The following DIP2A variants were observed in gnomAD, a reference collection of about 807,000 sequenced individuals.
DIP2A encodes disco-interacting protein 2 homolog A.
In DIP2A, 85 loss-of-function variants were observed where a neutral mutation model predicts 177.4. The observed-to-expected ratio is 0.48, with a 90% CI of 0.40 to 0.57. DIP2A has a LOEUF of 0.57. Ranked by LOEUF, DIP2A falls within the 20% of genes least tolerant of loss-of-function variation. DIP2A has a pLI of 0.00. For missense variants in DIP2A, 1,791 were observed against 2,100.2 expected (o/e 0.85, Z 2.88); for synonymous variants, 886 against 881.8 (o/e 1.00, Z -0.08).
the DIP2A span, among the ~76,000 whole-genome samples, chr21:46,575,938 A>G: frequency 6.6e-6 from 1 of 152,240 alleles, no homozygotes; most frequent in African/African-American, 2.4e-5. Context: ...CTGAATAAAC[A>G]AAGCAATTTT....
At chr21:46,512,621 G>A (rs779396499) in intron 8 of DIP2A, among the ~76,000 whole-genome samples, 2 of 131,886 alleles carry the variant, frequency 1.5e-5, no homozygotes, top group Non-Finnish European at 3.1e-5. Flanking sequence ...GTTTGCTAAT[G>A]CTTTCATCTT....
intron 1 of DIP2A, among the ~76,000 whole-genome samples, chr21:46,481,718 C>T (rs9647245): frequency 0.37 from 55,660 of 151,916 alleles, 10,618 homozygotes; most frequent in Middle Eastern, 0.46. Flanking sequence ...ATGATAACAG[C>T]GGAAATCAGT....
chr21:46,554,791 G>GCCCC, intron 27 of DIP2A, 31 bp from the exon 28 acceptor site: 1 of 1,170,464 alleles, frequency 8.5e-7, no homozygotes, highest in South Asian at 2.6e-5. Flanking sequence ...GAGAGGCCCC[G>GCCCC]CCCACCCACC....
At chr21:46,463,709 TGTGTGTGTGTA>T (rs1568890438) in intron 1 of DIP2A, among the ~76,000 whole-genome samples, 89 of 151,348 alleles carry the variant, frequency 5.9e-4, no homozygotes, top group African/African-American at 1.7e-3. Context: ...TGTGTGTGTG[TGTGTGTGTGTA>T]TATTTTGAGA....
At position 46,563,906 on chromosome 21, in the gene DIP2A, C is replaced by T. The variant is rs199921671; in HGVS notation, c.4138C>T (p.Pro1380Ser). ...VIIAHTETKG[P>S]LGDSHLGEIW... ...CATCGCACACACCGAGACCAAAGGA[C>T]CCTTGGGAGACTCACACCTGGGAGA... Residue 1380 changes from proline to serine, a missense_variant, in exon 35 of 38, where the codon CCC becomes TCC. Coordinates refer to ENST00000417564, the MANE Select transcript of DIP2A (RefSeq NM_015151.4). The surrounding 1 kb of genome is among the most constrained non-coding windows in gnomAD (Gnocchi z 4.3). 1 of 1,613,722 alleles carries T rather than the reference C, an allele frequency of 6.2e-7. No individual in the cohort carries two copies. The highest frequency in any genetic ancestry group is 8.5e-7 in the Non-Finnish European group (1 of 1,179,854).
chr21:46,552,986 G>A (rs2060327197), intron 25 of DIP2A: 1 of 152,466 alleles, frequency 6.6e-6, no homozygotes, highest in African/African-American at 2.4e-5. Flanking sequence ...GGGCTATGAA[G>A]AATGATGCCC....
chr21:46,526,581 G>T (rs979282996), intron 8 of DIP2A, among the ~76,000 whole-genome samples: 35 of 152,076 alleles, frequency 2.3e-4, no homozygotes, highest in Non-Finnish European at 3.7e-4. Flanking sequence ...TTTTAGTAGA[G>T]ACAGGGTTTT....
chr21:46,471,337 G>C (rs1363435093), intron 1 of DIP2A, among the ~76,000 whole-genome samples: 1 of 152,072 alleles, frequency 6.6e-6, no homozygotes, highest in Non-Finnish European at 1.5e-5. Context: ...GGCCTTATTT[G>C]TTTTTGTTTT....
chr21:46,506,761 TTTCTTTC>T (rs572961643), intron 6 of DIP2A, among the ~76,000 whole-genome samples: 9,232 of 133,508 alleles, frequency 0.069, 580 homozygotes, highest in African/African-American at 0.098. Flanking sequence ...TCTTTCTTTC[TTTCTTTC>T]TTTCTTTTCT....
chr21:46,574,850 A>G (rs762367537), downstream of DIP2A, among the ~76,000 whole-genome samples: 1 of 152,204 alleles, frequency 6.6e-6, no homozygotes, highest in Non-Finnish European at 1.5e-5. Context: ...GGTGAATTCT[A>G]CCAAACATTT....
At chr21:46,481,304 T>A (rs564194044) in intron 1 of DIP2A, among the ~76,000 whole-genome samples, 6 of 152,264 alleles carry the variant, frequency 3.9e-5, no homozygotes, top group Non-Finnish European at 8.8e-5. Flanking sequence ...AATAGTCTGT[T>A]CCTCTTTATT....
intron 8 of DIP2A, among the ~76,000 whole-genome samples, chr21:46,512,254 T>G (rs2058347954): frequency 6.6e-6 from 1 of 152,198 alleles, no homozygotes; most frequent in Non-Finnish European, 1.5e-5. Context: ...GGGGCTATTG[T>G]GTATAGTGCT....
Position 46,534,633 on chromosome 21 carries a change from G to T in DIP2A, c.1588G>T (p.Ala530Ser). 6.2e-7 allele frequency: 1 copy of T among 1,612,704 alleles called. No individual in the cohort carries two copies. Among genetic ancestry groups the T allele is most frequent in the Non-Finnish European group, 8.5e-7 (1 of 1,179,862 alleles). ...TACGGTGGGGGTCACAGTGTCCCAC[G>T]CATCCCTGCTGGCACAGTGCCGGGC... is the stretch of plus-strand genomic sequence containing the variant. ...GSTVGVTVSH[A>S]SLLAQCRALT... is the part of the protein sequence containing the mutation. The change falls in exon 13 of 38, where the codon GCA (alanine) becomes TCA (serine). Residue 530 changes from alanine to serine, a missense_variant. Transcript: ENST00000417564.
intron 35 of DIP2A, among the ~76,000 whole-genome samples, chr21:46,564,327 AGAAGAG>A (rs1179348513): frequency 6.6e-6 from 1 of 152,230 alleles, no homozygotes; most frequent in Non-Finnish European, 1.5e-5. Flanking sequence ...ACTCTGCACC[AGAAGAG>A]TTCAGGGCCT....
chr21:46,462,023 G>A (rs186616224), intron 1 of DIP2A, among the ~76,000 whole-genome samples: 10 of 152,258 alleles, frequency 6.6e-5, no homozygotes, highest in Admixed American at 6.5e-4. Context: ...ATTCCAGCCT[G>A]GGAGACAGAG....
At chr21:46,572,834 G>A (rs1327600977), downstream of DIP2A, among the ~76,000 whole-genome samples, 1 of 152,152 alleles carries the variant, frequency 6.6e-6, no homozygotes, top group Non-Finnish European at 1.5e-5. Context: ...CCTTTATACT[G>A]TATTTTTACT....
At chr21:46,575,038 A>T in the DIP2A span, among the ~76,000 whole-genome samples, 1 of 152,134 alleles carries the variant, frequency 6.6e-6, no homozygotes, top group African/African-American at 2.4e-5. Context: ...ATAAAATACT[A>T]GCAAACTGAC....
intron 1 of DIP2A, 36 bp downstream of exon 1, chr21:46,459,258 C>T (rs1332697314): frequency 1.3e-6 from 2 of 1,490,410 alleles, no homozygotes; most frequent in African/African-American, 2.9e-5. Context: ...CCGCGACCCG[C>T]CCTCAGCCCG....
rs2060745679 is a variant in DIP2A at position 46,563,732 on chromosome 21, C to T, written c.4090-126C>T. The T allele has an allele frequency of 5.6e-6, 8 of 1,420,712 alleles. No homozygotes were observed. Among genetic ancestry groups the T allele is most frequent in the Non-Finnish European group, 6.5e-6 (7 of 1,079,890 alleles). 88.0% of individuals were successfully genotyped at this position (1,420,712 alleles called of 1,614,324 possible). Reference sequence around the variant, plus strand: ...AAATTTGGAGCGGCCTCTAAACTTCCTGACCTGACATGAGCACATCAGTCC... The same window carrying T: ...AAATTTGGAGCGGCCTCTAAACTTCTTGACCTGACATGAGCACATCAGTCC... On this transcript the variant is annotated intron_variant, in intron 34 of 37. Transcript: ENST00000417564. This position sits in a 1 kb window ranked among gnomAD's most constrained non-coding sequence, Gnocchi z 4.3.
Sources: gnomAD v4.1 joint callset for allele counts (sites outside exome capture counted in the v4.1 genomes callset) on GRCh38, gnomAD v4.1.1 for gene constraint, Gnocchi (gnomAD v3.1) non-coding constraint, MANE v1.5 for transcripts, NCBI Gene and HGNC (gene_info 2026-07-23, HGNC 2026-07-21) for gene names.